TMEM135: variants seen among roughly 807,000 people sequenced by gnomAD.
The protein encoded by TMEM135 is peroxisomal membrane protein 52.
TMEM135 carries 30 observed loss-of-function variants against 60.3 expected under a neutral mutation model. The ratio of observed to expected loss-of-function variants is 0.50; its 90% CI spans 0.37 to 0.68. The LOEUF (loss-of-function observed/expected upper bound fraction) is 0.68, where lower values mean the gene tolerates loss of function less well. Ranked by LOEUF, TMEM135 falls within the 30% of genes least tolerant of loss-of-function variation. TMEM135 has a pLI of 0.00. For synonymous variants in TMEM135, 190 were observed against 186.7 expected (o/e 1.02, Z -0.14); for missense variants, 468 against 548.8 (o/e 0.85, Z 1.47).
intron 6 of TMEM135, among the ~76,000 whole-genome samples, chr11:87,270,597 T>C (rs937187343): frequency 1.2e-4 from 18 of 152,184 alleles, no homozygotes; most frequent in Non-Finnish European, 2.6e-4. Flanking sequence ...TCTTTTAATA[T>C]GAAGAGGAAT....
intron 2 of TMEM135, among the ~76,000 whole-genome samples, chr11:87,070,007 T>TAA (rs58046118): frequency 7.1e-6 from 1 of 141,676 alleles, no homozygotes; most frequent in Non-Finnish European, 1.5e-5. Flanking sequence ...CTCTGCCTGT[T>TAA]AAAAAAAAAA....
intron 6 of TMEM135, among the ~76,000 whole-genome samples, chr11:87,239,794 A>T (rs1941089691): frequency 6.6e-6 from 1 of 152,012 alleles, no homozygotes; most frequent in South Asian, 2.1e-4. Context: ...TAGTTTCATA[A>T]ATATTTTCCA....
chr11:87,320,746 G>A (rs1295862701), intron 14 of TMEM135, among the ~76,000 whole-genome samples: 2 of 152,102 alleles, frequency 1.3e-5, no homozygotes, highest in African/African-American at 4.8e-5. Context: ...ATTTGAATGT[G>A]TTTTCATTTG....
At chr11:87,049,475 A>G (rs888968334) in intron 1 of TMEM135, among the ~76,000 whole-genome samples, 2 of 118,348 alleles carry the variant, frequency 1.7e-5, no homozygotes, top group African/African-American at 6.6e-5. Context: ...TGGAAGATCT[A>G]CCAAGCAAAT....
At chr11:87,235,562 C>A (rs1218598634) in intron 5 of TMEM135, among the ~76,000 whole-genome samples, 5 of 151,944 alleles carry the variant, frequency 3.3e-5, no homozygotes, top group South Asian at 4.2e-4. Flanking sequence ...TTAGAAATAG[C>A]AAAACATTTT....
intron 1 of TMEM135, among the ~76,000 whole-genome samples, chr11:87,043,067 T>TG (rs1324230497): frequency 1.3e-5 from 2 of 151,460 alleles, no homozygotes; most frequent in African/African-American, 4.9e-5. Flanking sequence ...GCCATTCTGC[T>TG]GCCTCAGCCT....
rs1409543498 is a variant in TMEM135, at chr11:87,314,468, C to T, written c.1001-3C>T. ...ATCAGTTATTTCTTATTTCTTGTTTCAGGATTTTTGGCAGGTATATCAATG... is the reference window on the plus strand; with the variant it reads ...ATCAGTTATTTCTTATTTCTTGTTTTAGGATTTTTGGCAGGTATATCAATG... On this transcript the variant is annotated splice_polypyrimidine_tract_variant and splice_region_variant and intron_variant, in intron 11 of 14. Transcript: ENST00000305494. 3.7e-6 allele frequency: 6 copies of T among 1,607,134 alleles called. No homozygotes were observed. The South Asian group carries it at 6.6e-5, about 18-fold the overall frequency.
intron 4 of TMEM135, among the ~76,000 whole-genome samples, chr11:87,101,570 A>G (rs958623112): frequency 1.3e-5 from 2 of 152,262 alleles, no homozygotes; most frequent in African/African-American, 4.8e-5. Context: ...AATTGTAAAC[A>G]TACATGTAAT....
At chr11:87,084,488 G>C (rs1857055304) in intron 3 of TMEM135, among the ~76,000 whole-genome samples, 1 of 151,932 alleles carries the variant, frequency 6.6e-6, no homozygotes, top group Non-Finnish European at 1.5e-5. Flanking sequence ...TTTTATTTTT[G>C]GTAGAGATGT....
Position 87,325,377 on chromosome 11 carries a change from G to C in TMEM135, c.*4044G>C. 4.4e-6 allele frequency: 2 copies of C among 454,092 alleles called. No homozygotes were observed. Among genetic ancestry groups the C allele is most frequent in the Non-Finnish European group, 8.8e-6 (2 of 226,790 alleles). 28.1% of individuals were successfully genotyped at this position (454,092 alleles called of 1,614,324 possible). Reference sequence around the variant, plus strand: ...GAATGGCCTTAAGCTTACAGCTGTGGTGAATAAGAATGTGTGCTATTTTAC... The same window carrying C: ...GAATGGCCTTAAGCTTACAGCTGTGCTGAATAAGAATGTGTGCTATTTTAC... On this transcript the variant is annotated 3_prime_UTR_variant, in exon 15 of 15. Coordinates refer to ENST00000305494, the MANE Select transcript of TMEM135 (RefSeq NM_022918.4).
chr11:87,069,007 G>T (rs1177090815), intron 2 of TMEM135, among the ~76,000 whole-genome samples: 2 of 150,660 alleles, frequency 1.3e-5, no homozygotes, highest in Non-Finnish European at 3.0e-5. Flanking sequence ...GTGCTCTCTA[G>T]AAAGTTTCTA....
At chr11:87,133,896 T>C (rs1938011729) in intron 4 of TMEM135, among the ~76,000 whole-genome samples, 1 of 152,196 alleles carries the variant, frequency 6.6e-6, no homozygotes, top group South Asian at 2.1e-4. Context: ...AAGCATTCTG[T>C]TGTTTGGTTC....
intron 2 of TMEM135, among the ~76,000 whole-genome samples, chr11:87,071,155 G>A (rs1194368550): frequency 2.0e-5 from 3 of 152,214 alleles, no homozygotes; most frequent in Non-Finnish European, 4.4e-5. Context: ...GCCTTAATGA[G>A]AGTTAGTGAG....
At chr11:87,144,709 A>AGTGTGTGTGTGTGTGTGTGT (rs4014711) in intron 4 of TMEM135, among the ~76,000 whole-genome samples, 1 of 147,038 alleles carries the variant, frequency 6.8e-6, no homozygotes, top group African/African-American at 2.5e-5. Context: ...TGTGTGTGAA[A>AGTGTGTGTGTGTGTGTGTGT]GTGTGTGTGT....
intron 5 of TMEM135, among the ~76,000 whole-genome samples, chr11:87,180,923 A>G (rs906408222): frequency 9.2e-5 from 14 of 152,244 alleles, no homozygotes; most frequent in African/African-American, 2.4e-4. Flanking sequence ...ATTATTGGAC[A>G]TAACCACGAC....
At chr11:87,072,341 A>G (rs1856787356) in intron 3 of TMEM135, among the ~76,000 whole-genome samples, 1 of 152,156 alleles carries the variant, frequency 6.6e-6, no homozygotes. Context: ...TCTTTGAGTA[A>G]TTGAGTAATT....
intron 3 of TMEM135, among the ~76,000 whole-genome samples, chr11:87,078,098 A>G (rs1280140166): frequency 6.6e-6 from 1 of 152,236 alleles, no homozygotes; most frequent in African/African-American, 2.4e-5. Context: ...TTATGTACTC[A>G]GGAATGGAAT....
chr11:87,245,444 A>AGTG (rs1172290491), intron 6 of TMEM135, among the ~76,000 whole-genome samples: 1 of 116,396 alleles, frequency 8.6e-6, no homozygotes, highest in African/African-American at 3.4e-5. Context: ...TAATGTTGAC[A>AGTG]GTGGGGTGTT....
At chr11:87,119,985 A>T (rs1254513228) in intron 4 of TMEM135, among the ~76,000 whole-genome samples, 1 of 152,170 alleles carries the variant, frequency 6.6e-6, no homozygotes, top group East Asian at 1.9e-4. Flanking sequence ...ATGACAAAGG[A>T]CTGAAAATAT....
Sources: gnomAD v4.1 joint callset for allele counts (sites outside exome capture counted in the v4.1 genomes callset) on GRCh38, gnomAD v4.1.1 for gene constraint, MANE v1.5 for transcripts, NCBI Gene and HGNC (gene_info 2026-07-23, HGNC 2026-07-21) for gene names.